ANKFN1: variants seen among roughly 807,000 people sequenced by gnomAD.
The protein encoded by ANKFN1 is ankyrin repeat and fibronectin type-III domain-containing protein 1.
A neutral mutation model predicts 108.7 loss-of-function variants in ANKFN1; 74 were observed. That is an observed-to-expected ratio of 0.68 (90% CI 0.56 to 0.83). The LOEUF (loss-of-function observed/expected upper bound fraction) is 0.83, where lower values mean the gene tolerates loss of function less well. Among genes scored for constraint, ANKFN1 ranks in the 40% least tolerant of loss-of-function variants. ANKFN1 has a pLI of 0.00. For missense variants in ANKFN1, 1,505 were observed against 1,382.3 expected, an observed-to-expected ratio of 1.09 and a Z score of -1.41; for synonymous variants, 547 against 516.2, an observed-to-expected ratio of 1.06 and a Z score of -0.81.
chr17:56,308,236 A>T (rs2044897444), intron 3 of ANKFN1, among the ~76,000 whole-genome samples: 1 of 122,576 alleles, frequency 8.2e-6, no homozygotes, highest in Non-Finnish European at 1.9e-5. Flanking sequence ...TTAAAGTATA[A>T]TAAAAAAAAA....
intron 2 of ANKFN1, among the ~76,000 whole-genome samples, chr17:56,221,981 T>G (rs1386078205): frequency 1.3e-5 from 2 of 152,120 alleles, no homozygotes. Flanking sequence ...TGTGGAAACT[T>G]GTAAGAAATG....
intron 4 of ANKFN1, among the ~76,000 whole-genome samples, chr17:56,097,916 C>T (rs930327273): frequency 6.6e-6 from 1 of 152,070 alleles, no homozygotes; most frequent in African/African-American, 2.4e-5. Context: ...GGTAGCCCTC[C>T]AAAAATATAT....
chr17:56,499,572 A>G (rs770912529), intron 20 of ANKFN1, among the ~76,000 whole-genome samples: 6 of 152,126 alleles, frequency 3.9e-5, no homozygotes, highest in Non-Finnish European at 5.9e-5. Context: ...ATATAGCACA[A>G]TGTTCTAGAG....
At chr17:56,206,184 G>A (rs1198742345) in intron 1 of ANKFN1, among the ~76,000 whole-genome samples, 1 of 152,064 alleles carries the variant, frequency 6.6e-6, no homozygotes, top group African/African-American at 2.4e-5. Context: ...ATATTTCAGT[G>A]TATTTCCATT....
intron 4 of ANKFN1, among the ~76,000 whole-genome samples, chr17:56,346,275 T>A (rs2046097613): frequency 6.6e-6 from 1 of 152,176 alleles, no homozygotes; most frequent in Non-Finnish European, 1.5e-5. Flanking sequence ...AGTACCATGC[T>A]GTTTTGGTTA....
intron 3 of ANKFN1, among the ~76,000 whole-genome samples, chr17:56,240,211 TG>T (rs1917474089): frequency 6.6e-6 from 1 of 152,140 alleles, no homozygotes; most frequent in Non-Finnish European, 1.5e-5. Context: ...ATCACAATCC[TG>T]TATGCTTATC....
chr17:56,080,169 T>A (rs9897289), intron 4 of ANKFN1, among the ~76,000 whole-genome samples: 84,591 of 152,084 alleles, frequency 0.56, 24,983 homozygotes, highest in Non-Finnish European at 0.68. Context: ...GATACTCTCA[T>A]CTCATGATGC....
intron 4 of ANKFN1, among the ~76,000 whole-genome samples, chr17:56,340,430 A>G (rs931219492): frequency 2.0e-5 from 3 of 151,476 alleles, no homozygotes; most frequent in Non-Finnish European, 4.4e-5. Flanking sequence ...GGTTTTTTTT[A>G]TAGTTTTGGG....
chr17:56,331,161 C>T (rs934529653), intron 4 of ANKFN1, among the ~76,000 whole-genome samples: 2 of 152,180 alleles, frequency 1.3e-5, no homozygotes, highest in Non-Finnish European at 2.9e-5. Context: ...AAGCCAATTG[C>T]TTCTAGAGCT....
At chr17:56,271,155 G>A (rs367611099) in intron 3 of ANKFN1, among the ~76,000 whole-genome samples, 1 of 151,950 alleles carries the variant, frequency 6.6e-6, no homozygotes, top group Non-Finnish European at 1.5e-5. Context: ...GACTTCAGGC[G>A]CACCACCACA....
At chr17:56,099,506 G>A (rs1460080400) in intron 4 of ANKFN1, among the ~76,000 whole-genome samples, 4 of 152,178 alleles carry the variant, frequency 2.6e-5, no homozygotes, top group African/African-American at 4.8e-5. Flanking sequence ...TTCAACACGT[G>A]TAGATTAAGT....
At chr17:56,213,903 A>T (rs1915229092) in intron 2 of ANKFN1, among the ~76,000 whole-genome samples, 1 of 152,226 alleles carries the variant, frequency 6.6e-6, no homozygotes, top group South Asian at 2.1e-4. Context: ...ATGGGAGGAC[A>T]GTCCTGAAGA....
At chr17:56,445,961 C>T (rs946784718) in intron 10 of ANKFN1, among the ~76,000 whole-genome samples, 1 of 152,134 alleles carries the variant, frequency 6.6e-6, no homozygotes. Context: ...TAAGTTTATT[C>T]CTGTCAGGTT....
chr17:56,189,179 T>TTTTTTTTTTTTTGTTTTTTTG (rs1244013476), intron 1 of ANKFN1, among the ~76,000 whole-genome samples: 4 of 111,400 alleles, frequency 3.6e-5, no homozygotes, highest in Admixed American at 2.9e-4. Context: ...ACTTTTTTTT[T>TTTTTTTTTTTTTGTTTTTTTG]TTTTTTTTTG....
chr17:56,047,087 T>C (rs2143060527), intron 4 of ANKFN1, among the ~76,000 whole-genome samples: 1 of 152,338 alleles, frequency 6.6e-6, no homozygotes, highest in South Asian at 2.1e-4. Context: ...TAAAGCACTT[T>C]TGCAGTGAGC....
intron 1 of ANKFN1, among the ~76,000 whole-genome samples, chr17:56,164,291 C>CCA (rs1909950215): frequency 6.6e-6 from 1 of 152,176 alleles, no homozygotes; most frequent in African/African-American, 2.4e-5. Context: ...ATGCCAGATC[C>CCA]TCTGGGAATA....
chr17:56,418,935 T>A (rs1214501323), intron 8 of ANKFN1, among the ~76,000 whole-genome samples: 1 of 152,218 alleles, frequency 6.6e-6, no homozygotes, highest in African/African-American at 2.4e-5. Flanking sequence ...TTGCAGAAGT[T>A]AAACATTCTC....
intron 4 of ANKFN1, among the ~76,000 whole-genome samples, chr17:56,138,740 A>T (rs1907743489): frequency 6.6e-6 from 1 of 151,880 alleles, no homozygotes; most frequent in African/African-American, 2.4e-5. Flanking sequence ...CGAACTCCTG[A>T]CCTCAAGTGA....
chr17:56,509,223 A>C (rs533362769), intron 20 of ANKFN1, among the ~76,000 whole-genome samples: 3 of 152,342 alleles, frequency 2.0e-5, no homozygotes, highest in African/African-American at 7.2e-5. Flanking sequence ...CAAAGACCCA[A>C]ATAAGAATGT....
Sources: allele counts gnomAD v4.1 joint callset (sites outside exome capture counted in the v4.1 genomes callset), GRCh38; gene constraint gnomAD v4.1.1; transcripts MANE v1.5; gene names NCBI Gene and HGNC (gene_info 2026-07-23, HGNC 2026-07-21).